ULK4: variants seen among roughly 807,000 people sequenced by gnomAD.
ULK4 encodes the protein unc-51 like kinase 4, also known as inactive serine/threonine-protein kinase ULK4.
A neutral mutation model predicts 160.6 loss-of-function variants in ULK4; 133 were observed. The ratio of observed to expected loss-of-function variants is 0.83; its 90% CI spans 0.72 to 0.96. The LOEUF (loss-of-function observed/expected upper bound fraction) is 0.96, where lower values mean the gene tolerates loss of function less well. Ranked by LOEUF, ULK4 falls within the 40% of genes least tolerant of loss-of-function variation. ULK4 has a pLI of 0.00. For synonymous variants in ULK4, 534 were observed against 539.8 expected (o/e 0.99, Z 0.15); for missense variants, 1,580 against 1,499.5 (o/e 1.05, Z -0.89).
intron 35 of ULK4, among the ~76,000 whole-genome samples, chr3:41,367,895 A>G (rs900274989): frequency 2.0e-5 from 3 of 152,168 alleles, no homozygotes; most frequent in African/African-American, 7.2e-5. Flanking sequence ...ACACATATGC[A>G]TACATATATG....
chr3:41,323,071 G>C (rs55743875), intron 35 of ULK4, among the ~76,000 whole-genome samples: 82 of 152,062 alleles, frequency 5.4e-4, no homozygotes, highest in Non-Finnish European at 1.0e-3. Flanking sequence ...TTGAGTAGCT[G>C]GGATTACAGG....
intron 27 of ULK4, among the ~76,000 whole-genome samples, chr3:41,698,773 G>C (rs1159305756): frequency 6.6e-6 from 1 of 152,098 alleles, no homozygotes; most frequent in Non-Finnish European, 1.5e-5. Flanking sequence ...GTAGCACCTA[G>C]ATGAAGGAAC....
intron 35 of ULK4, among the ~76,000 whole-genome samples, chr3:41,319,344 T>C (rs2080206711): frequency 6.6e-6 from 1 of 152,208 alleles, no homozygotes; most frequent in Non-Finnish European, 1.5e-5. Context: ...GCCTTGTTTC[T>C]ACTGAGTTCT....
intron 17 of ULK4, among the ~76,000 whole-genome samples, chr3:41,855,613 A>T (rs976517461): frequency 6.6e-6 from 1 of 152,200 alleles, no homozygotes; most frequent in Non-Finnish European, 1.5e-5. Context: ...GAGCTTGCTA[A>T]ATATAACTAG....
chr3:41,770,680 T>C (rs564069937), intron 21 of ULK4, among the ~76,000 whole-genome samples: 1 of 152,014 alleles, frequency 6.6e-6, no homozygotes, highest in East Asian at 1.9e-4. Context: ...CAGGCTAATT[T>C]TTTTGTATTT....
chr3:41,724,886 T>A (rs1003067908), intron 22 of ULK4, among the ~76,000 whole-genome samples: 3 of 152,242 alleles, frequency 2.0e-5, no homozygotes, highest in Non-Finnish European at 4.4e-5. Context: ...TTTTCAGGTG[T>A]TAATTGACCA....
At chr3:41,893,645 C>T (rs1698048104) in intron 16 of ULK4, among the ~76,000 whole-genome samples, 2 of 151,944 alleles carry the variant, frequency 1.3e-5, no homozygotes, top group South Asian at 4.1e-4. Flanking sequence ...CATTATAATA[C>T]TATCCAAAAA....
At chr3:41,250,997 G>C (rs1398808682) in intron 35 of ULK4, 1 of 152,176 alleles carries the variant, frequency 6.6e-6, no homozygotes, top group Non-Finnish European at 1.5e-5. Flanking sequence ...GCCTCAAACA[G>C]GTCAGCTGAC....
intron 5 of ULK4, among the ~76,000 whole-genome samples, chr3:41,924,035 G>A (rs1699291289): frequency 6.6e-6 from 1 of 152,166 alleles, no homozygotes; most frequent in Non-Finnish European, 1.5e-5. Context: ...TTACAAAGAA[G>A]CAAAGGCAGA....
Position 41,629,282 on chromosome 3 carries a change from T to TGA in ULK4, c.3072-13566_3072-13565insTC, listed in dbSNP as rs2033654606. ...CTGGGGGTTGTGATCACCTGAAGGT[T>TGA]TCCTCACTCACACTTCTGGCACCTG... On this transcript the variant is annotated intron_variant, in intron 30 of 36. Transcript: ENST00000301831. Among the ~76,000 whole-genome samples, 8 of 152,252 alleles carry TGA rather than the reference T, an allele frequency of 5.3e-5. No individual in the cohort carries two copies. In the South Asian group the frequency reaches 1.5e-3, roughly 28 times the overall value.
Position 41,264,130 on chromosome 3 carries a change from T to C in ULK4, c.3679-14556A>G, listed in dbSNP as rs540482756. On this transcript the variant is annotated intron_variant, in intron 35 of 36. Coordinates refer to ENST00000301831, the MANE Select transcript of ULK4 (RefSeq NM_017886.4). The stretch of plus-strand genomic sequence containing the variant: ...CAGCCATGAGAACATGTGAGGGACT[T>C]ATATTGTAAAAAGGGGTGATAGCAG... Among the ~76,000 whole-genome samples the C allele has an allele frequency of 1.4e-4, 21 of 152,132 alleles. No individual in the cohort carries two copies. The East Asian group carries it at 3.5e-3, about 25-fold the overall frequency.
chr3:41,839,524 AGAC>A (rs2041851493), intron 17 of ULK4, among the ~76,000 whole-genome samples: 1 of 151,364 alleles, frequency 6.6e-6, no homozygotes, highest in African/African-American at 2.4e-5. Context: ...GAAAATGAGC[AGAC>A]ATCAAAATAA....
At position 41,736,789 on chromosome 3, in the gene ULK4, T is replaced by A. The variant is rs368386449; in HGVS notation, c.2321+17572A>T. Among the ~76,000 whole-genome samples, 150 of 149,976 alleles carry A rather than the reference T, an allele frequency of 1.0e-3. 1 individual carries two copies. The highest frequency in any genetic ancestry group is 2.9e-3 in the African/African-American group (117 of 40,768). ...GCCCATGCCTATGTCCTGAATGGTA[T>A]TGCCTAGGTTTTCTTCTAGGGTTTT... On this transcript the variant is annotated intron_variant, in intron 22 of 36. Transcript: ENST00000301831.
intron 16 of ULK4, among the ~76,000 whole-genome samples, chr3:41,888,231 TTC>T (rs1293437731): frequency 3.3e-5 from 5 of 152,178 alleles, no homozygotes; most frequent in African/African-American, 9.7e-5. Flanking sequence ...TTATGAGACA[TTC>T]TCTGTCTTTA....
intron 19 of ULK4, among the ~76,000 whole-genome samples, chr3:41,806,980 T>C (rs2040661629): frequency 6.6e-6 from 1 of 151,938 alleles, no homozygotes; most frequent in Non-Finnish European, 1.5e-5. Flanking sequence ...AAACCTCTTG[T>C]CTCTACCAAG....
At chr3:41,613,126 C>T (rs1006421452) in intron 31 of ULK4, among the ~76,000 whole-genome samples, 5 of 152,146 alleles carry the variant, frequency 3.3e-5, no homozygotes, top group Admixed American at 3.3e-4. Flanking sequence ...TGCAAAGAAG[C>T]TGCCATATAT....
intron 35 of ULK4, among the ~76,000 whole-genome samples, chr3:41,300,099 C>G (rs2079752743): frequency 6.6e-6 from 1 of 152,118 alleles, no homozygotes; most frequent in African/African-American, 2.4e-5. Context: ...CGCTTGCCAG[C>G]ACTAGATTTA....
At chr3:41,314,706 C>CAAA (rs1352695136) in intron 35 of ULK4, among the ~76,000 whole-genome samples, 1 of 152,034 alleles carries the variant, frequency 6.6e-6, no homozygotes, top group East Asian at 1.9e-4. Context: ...GAAATATGGT[C>CAAA]TGAGTATACA....
rs1479011507 is a variant in ULK4 at position 41,246,886 on chromosome 3, G to A, written c.*43C>T. On this transcript the variant is annotated 3_prime_UTR_variant, in exon 37 of 37. Coordinates refer to ENST00000301831, the MANE Select transcript of ULK4 (RefSeq NM_017886.4). ...GAGCTGACCTTGCTTATGCATCCGA[G>A]GGCTGGGGCCACAGGGCGGGCTTGT... 6.2e-7 allele frequency: 1 copy of A among 1,606,204 alleles called. No homozygotes were observed. The highest frequency in any genetic ancestry group is 1.3e-5 in the African/African-American group (1 of 74,964).
Sources: allele counts gnomAD v4.1 joint callset (sites outside exome capture counted in the v4.1 genomes callset), GRCh38; gene constraint gnomAD v4.1.1; transcripts MANE v1.5; gene names NCBI Gene and HGNC (gene_info 2026-07-23, HGNC 2026-07-21).